NUP35: variants seen among roughly 807,000 people sequenced by gnomAD.
NUP35 encodes nucleoporin 35, also known as nucleoporin NUP35.
Under a neutral mutation model 41.5 loss-of-function variants are expected in NUP35, and 25 were observed. The observed-to-expected ratio is 0.60, with a 90% confidence interval of 0.44 to 0.84. The LOEUF is 0.84. Among genes scored for constraint, NUP35 ranks in the 40% least tolerant of loss-of-function variants. The probability of loss-of-function intolerance (pLI) is 0.00; values close to 1 mark genes in which losing one functional copy is unlikely to be tolerated. For missense variants in NUP35, 396 were observed against 396.6 expected, an observed-to-expected ratio of 1.00 and a Z score of 0.01; for synonymous variants, 149 against 130.7, an observed-to-expected ratio of 1.14 and a Z score of -0.96.
In NUP35 at chr2:183,161,034, T is replaced by G. The variant is rs375466101; in HGVS notation, c.904-20T>G. 171 of 1,600,102 alleles carry G rather than the reference T, an allele frequency of 1.1e-4. 1 individual carries two copies. The highest frequency in any genetic ancestry group is 4.3e-4 in the African/African-American group (32 of 74,748). ...AGTAACAATAACCTAACCGTTTTTT[T>G]TGTGTGTGTTTTTTAATAGGTTATT... is the stretch of plus-strand genomic sequence containing the variant. On this transcript the variant is annotated intron_variant, in intron 8 of 8. Coordinates refer to ENST00000295119, the MANE Select transcript of NUP35 (RefSeq NM_138285.5).
Position 183,155,141 on chromosome 2 carries a change from A to G in NUP35, c.540-2303A>G, listed in dbSNP as rs1479862538. On this transcript the variant is annotated intron_variant, in intron 5 of 8. Transcript: ENST00000295119. Reference sequence around the variant, plus strand: ...CAAGTTGAGATTTGGTTGGAGACACAGCTGAACTGTATCACATGCTGATAC... The same window carrying G: ...CAAGTTGAGATTTGGTTGGAGACACGGCTGAACTGTATCACATGCTGATAC... Among the ~76,000 whole-genome samples the G allele has an allele frequency of 3.3e-5, 5 of 152,242 alleles. 1 individual carries two copies. The highest frequency in any genetic ancestry group is 1.2e-4 in the African/African-American group (5 of 41,462).
intron 4 of NUP35, among the ~76,000 whole-genome samples, chr2:183,141,543 C>CA (rs1685098213): frequency 6.6e-6 from 1 of 152,166 alleles, no homozygotes. Context: ...ATTCCTTTGT[C>CA]AGTGTTTGTA....
upstream of NUP35, among the ~76,000 whole-genome samples, chr2:183,124,015 TGTACTAA>T (rs1227965724): frequency 6.6e-6 from 1 of 152,210 alleles, no homozygotes; most frequent in Non-Finnish European, 1.5e-5. Flanking sequence ...AAAAGCGTCA[TGTACTAA>T]GTCCAGAAAT....
upstream of NUP35, chr2:183,124,336 T>C (rs1458138353): frequency 1.1e-5 from 18 of 1,576,980 alleles, no homozygotes; most frequent in East Asian, 4.5e-5. Flanking sequence ...AACTTAAGCA[T>C]AGCGCAGGTC....
chr2:183,146,190 C>T (rs753544546), intron 4 of NUP35, among the ~76,000 whole-genome samples: 12 of 151,988 alleles, frequency 7.9e-5, no homozygotes, highest in Admixed American at 2.0e-4. Context: ...GGGCTGAGAT[C>T]GTGCCACTGC....
At chr2:183,135,146 G>C (rs2675046) in intron 4 of NUP35, among the ~76,000 whole-genome samples, 74,675 of 151,952 alleles carry the variant, frequency 0.49, 19,707 homozygotes, top group African/African-American at 0.68. Flanking sequence ...TGATTAGCAG[G>C]GTTAATTCCA....
At chr2:183,139,264 T>C (rs2105571992) in intron 4 of NUP35, among the ~76,000 whole-genome samples, 1 of 151,082 alleles carries the variant, frequency 6.6e-6, no homozygotes, top group South Asian at 2.1e-4. Context: ...TGGAGTGCAG[T>C]GGTGCAGTCA....
At chr2:183,124,725 AG>A (rs1700125197) in intron 1 of NUP35, among the ~76,000 whole-genome samples, 2 of 152,110 alleles carry the variant, frequency 1.3e-5, no homozygotes, top group Non-Finnish European at 2.9e-5. Context: ...GGTGAAGAAA[AG>A]GCCGTCTGGC....
upstream of NUP35, chr2:183,123,928 C>G: frequency 1.9e-6 from 1 of 529,564 alleles, no homozygotes; most frequent in Non-Finnish European, 2.4e-6. Context: ...ATGAGTTACG[C>G]TTTAATGTAA....
chr2:183,123,918 A>AACTCATACGCTGTTT, upstream of NUP35: 1 of 559,112 alleles, frequency 1.8e-6, no homozygotes, highest in Non-Finnish European at 2.3e-6. Context: ...AAAACGGCGT[A>AACTCATACGCTGTTT]TGAGTTACGC....
intron 1 of NUP35, among the ~76,000 whole-genome samples, chr2:183,126,945 G>C (rs903147103): frequency 6.6e-6 from 1 of 151,500 alleles, no homozygotes; most frequent in Non-Finnish European, 1.5e-5. Context: ...AATATTTGTA[G>C]AAAATAATAA....
chr2:183,142,821 C>A (rs547099933), intron 4 of NUP35, among the ~76,000 whole-genome samples: 2 of 151,554 alleles, frequency 1.3e-5, no homozygotes, highest in African/African-American at 4.8e-5. Context: ...ATTCCAGGAA[C>A]CTTTTTGTTG....
chr2:183,148,375 A>C (rs972094856), intron 4 of NUP35, among the ~76,000 whole-genome samples: 9 of 152,162 alleles, frequency 5.9e-5, no homozygotes, highest in Admixed American at 1.3e-4. Context: ...TCTTTGAGAA[A>C]TCTCCATATG....
At chr2:183,132,140 C>T (rs1038454201) in intron 3 of NUP35, among the ~76,000 whole-genome samples, 3 of 152,100 alleles carry the variant, frequency 2.0e-5, no homozygotes, top group African/African-American at 7.2e-5. Flanking sequence ...CCTCCCACCT[C>T]TTCTCCCTAG....
chr2:183,158,415 A>T lies in NUP35; in HGVS notation c.738+4A>T. 2 of 1,592,730 alleles carry T rather than the reference A, an allele frequency of 1.3e-6. No homozygotes were observed. The highest frequency in any genetic ancestry group is 1.7e-6 in the Non-Finnish European group (2 of 1,167,932). ...TGTAAAACCATGTATTGACAAAGTA[A>T]GTTATTGGTGATGTAGGCAAAGTAG... is the stretch of plus-strand genomic sequence containing the variant. On this transcript the variant is annotated splice_donor_region_variant and intron_variant, in intron 7 of 8. Coordinates refer to ENST00000295119, the MANE Select transcript of NUP35 (RefSeq NM_138285.5).
chr2:183,122,128 G>A (rs1700077697), upstream of NUP35, among the ~76,000 whole-genome samples: 1 of 151,114 alleles, frequency 6.6e-6, no homozygotes, highest in African/African-American at 2.4e-5. Flanking sequence ...CCAGGCTGGA[G>A]TGCAGTGGCA....
chr2:183,148,198 C>A (rs1685345593), intron 4 of NUP35, among the ~76,000 whole-genome samples: 1 of 152,142 alleles, frequency 6.6e-6, no homozygotes, highest in African/African-American at 2.4e-5. Flanking sequence ...TTTCTTTATT[C>A]ATTCACCCAT....
chr2:183,122,350 A>G (rs1339651994), upstream of NUP35, among the ~76,000 whole-genome samples: 1 of 152,184 alleles, frequency 6.6e-6, no homozygotes, highest in African/African-American at 2.4e-5. Flanking sequence ...TGCTGGGATT[A>G]CAGGCATGAG....
chr2:183,159,551 A>G lies in NUP35; in HGVS notation c.802A>G (p.Ile268Val), dbSNP rs748670847. ...SSPSLAFTPP[I>V]KTLGTPTQPG... is the part of the protein sequence containing the mutation. ...TCCATCTTTAGCCTTTACACCACCA[A>G]TCAAAACTCTAGGTACACCAACACA... is the stretch of plus-strand genomic sequence containing the variant. The change falls in exon 8 of 9, where the codon ATC becomes GTC. Residue 268 changes from isoleucine (I) to valine (V), a missense_variant. Transcript: ENST00000295119. 3.1e-6 allele frequency: 5 copies of G among 1,613,576 alleles called. No homozygotes were observed. The highest frequency in any genetic ancestry group is 2.7e-5 in the African/African-American group (2 of 74,910).
Sources: gnomAD v4.1 joint callset for allele counts (sites outside exome capture counted in the v4.1 genomes callset) on GRCh38, gnomAD v4.1.1 for gene constraint, MANE v1.5 for transcripts, NCBI Gene and HGNC (gene_info 2026-07-23, HGNC 2026-07-21) for gene names.